Variants in CYP17A1 observed in about 807,000 individuals in gnomAD.
CYP17A1 encodes the protein cytochrome P450 family 17 subfamily A member 1, also known as steroid 17-alpha-hydroxylase/17,20 lyase.
A neutral mutation model predicts 38.5 loss-of-function variants in CYP17A1; 27 were observed. That is an observed-to-expected ratio of 0.70 (90% CI 0.52 to 0.97). The LOEUF is 0.97. CYP17A1 is among the 50% of genes least tolerant of loss of function. The pLI, the probability that CYP17A1 is intolerant of heterozygous loss-of-function variation, is 0.00. For missense variants in CYP17A1, 549 were observed against 645.9 expected (o/e 0.85, Z 1.63); for synonymous variants, 263 against 253.3 (o/e 1.04, Z -0.36).
intron 6 of CYP17A1, 23 bp downstream of exon 6, chr10:102,832,488 T>G: frequency 6.5e-7 from 1 of 1,532,872 alleles, no homozygotes; most frequent in Non-Finnish European, 9.0e-7. Flanking sequence ...TGGGGCTAGA[T>G]GTCACTGGGA....
In CYP17A1 at chr10:102,837,294, G is replaced by A. The variant is rs368405367; in HGVS notation, c.68C>T (p.Pro23Leu). 6 of 1,608,892 alleles carry A rather than the reference G, an allele frequency of 3.7e-6. No individual in the cohort carries two copies. The African/African-American group carries it at 8.0e-5, about 22-fold the overall frequency. The change falls in exon 1 of 8, where the codon CCT becomes CTT. Residue 23 changes from proline to leucine, a missense_variant. By Grantham distance (98) the Pro-to-Leu change is moderately conservative. Coordinates refer to ENST00000369887, the MANE Select transcript of CYP17A1 (RefSeq NM_000102.4). ...GAGGCTCTTGGGGTACTTGGCACCA[G>A]GGCACCTTCTCTTGGGCCAAAACAA... is the stretch of plus-strand genomic sequence containing the variant. The part of the protein sequence containing the change: ...AYLFWPKRRC[P>L]GAKYPKSLLS...
chr10:102,837,260 C>T lies in CYP17A1; in HGVS notation c.102G>A (p.Leu34=), dbSNP rs752346898. 1 of 1,604,086 alleles carries T rather than the reference C, an allele frequency of 6.2e-7. No homozygotes were observed. The highest frequency in any genetic ancestry group is 8.5e-7 in the Non-Finnish European group (1 of 1,170,806). Residue 34 remains leucine, a synonymous_variant, in exon 1 of 8, where the codon CTG becomes CTA. Coordinates refer to ENST00000369887, the MANE Select transcript of CYP17A1 (RefSeq NM_000102.4). ...GGAATGGCAGGCTGCCCACCAGGGG[C>T]AGGGACAGGAGGCTCTTGGGGTACT... ...GAKYPKSLLS[L]PLVGSLPFLP... is the part of the protein sequence containing the mutation.
chr10:102,837,131 G>T lies in CYP17A1; in HGVS notation c.231C>A (p.Gly77=). ...RMGTKTTVIV[G]HHQLAKEVLI... Reference sequence around the variant, plus strand: ...GCACCTCCTTGGCCAGCTGGTGGTGGCCGACAATCACTGTAGTCTTGGTGC... The same window carrying T: ...GCACCTCCTTGGCCAGCTGGTGGTGTCCGACAATCACTGTAGTCTTGGTGC... Residue 77 remains glycine, a synonymous_variant, in exon 1 of 8, where the codon GGC becomes GGA. Transcript: ENST00000369887. 6.2e-7 allele frequency: 1 copy of T among 1,602,396 alleles called. No individual in the cohort carries two copies. The highest frequency in any genetic ancestry group is 8.6e-7 in the Non-Finnish European group (1 of 1,169,270).
chr10:102,832,368 G>A lies in CYP17A1; in HGVS notation c.1139+143C>T, dbSNP rs284848. ...ATGACAGGTGTGAGCCACCGTGCCC[G>A]GCCGGCAGGATGATTTTTAGTAGTT... On this transcript the variant is annotated intron_variant, in intron 6 of 7. Coordinates refer to ENST00000369887, the MANE Select transcript of CYP17A1 (RefSeq NM_000102.4). 0.19 allele frequency: 135,512 copies of A among 697,240 alleles called. 14,781 individuals are homozygous for A. The highest frequency in any genetic ancestry group is 0.27 in the Admixed American group (13,745 of 50,080). The allele number at this position is 697,240 out of a possible 1,614,324, so 43.2% of individuals were successfully genotyped here.
intron 3 of CYP17A1, 174 bp from the exon 4 acceptor site, chr10:102,834,296 C>A (rs116314397): frequency 3.1e-6 from 2 of 635,578 alleles, no homozygotes; most frequent in African/African-American, 3.7e-5. Flanking sequence ...TTTATCATGA[C>A]GACGAAGACA....
intron 5 of CYP17A1, 129 bp downstream of exon 5, chr10:102,832,864 C>G (rs1257522658): frequency 6.6e-7 from 1 of 1,525,102 alleles, no homozygotes; most frequent in East Asian, 2.4e-5. Flanking sequence ...AAGCCAACTA[C>G]TGCTTGGGTA....
Position 102,834,934 on chromosome 10 carries a change from C to G in CYP17A1, c.517G>C (p.Val173Leu), listed in dbSNP as rs758354727. Residue 173 changes from valine (V) to leucine (L), a missense_variant, in exon 3 of 8, where the codon GTG becomes CTG. Val to Leu is a conservative substitution (Grantham distance 32, BLOSUM62 1). Around this residue, in one of 3 missense-constraint regions of CYP17A1, gnomAD observed 289 missense variants for 320.9 expected, o/e 0.90. Transcript: ENST00000369887. ...QSIDISFPVF[V>L]AVTNVISLIC... ...AAGGAGATGACATTGGTTACCGCCA[C>G]GAAGACAGGAAAGGAGATGTCTATG... The G allele has an allele frequency of 5.6e-6, 9 of 1,613,296 alleles. No individual in the cohort carries two copies. The highest frequency in any genetic ancestry group is 7.6e-6 in the Non-Finnish European group (9 of 1,179,578).
intron 3 of CYP17A1, chr10:102,834,511 G>A (rs1007600587): frequency 3.5e-6 from 2 of 578,696 alleles, no homozygotes; most frequent in East Asian, 3.0e-5. Context: ...GGAATTCAGC[G>A]ATGAATGCGT....
At chr10:102,834,205 T>C in intron 3 of CYP17A1, 83 bp from the exon 4 acceptor site, 1 of 763,736 alleles carries the variant, frequency 1.3e-6, no homozygotes, top group Non-Finnish European at 2.4e-6. Context: ...GAGGCGGATC[T>C]TAGCTTTCTG....
At chr10:102,831,884 A>T (rs1341729175) in intron 6 of CYP17A1, among the ~76,000 whole-genome samples, 1 of 152,010 alleles carries the variant, frequency 6.6e-6, no homozygotes, top group Non-Finnish European at 1.5e-5. Flanking sequence ...GCTGCAGCGC[A>T]TGTTATGTGC....
rs1480455206 is a variant in CYP17A1, at chr10:102,830,538, A to G, written c.*164T>C. 3 of 600,518 alleles carry G rather than the reference A, an allele frequency of 5.0e-6. No homozygotes were observed. Among genetic ancestry groups the G allele is most frequent in the Admixed American group, 5.9e-5 (2 of 34,000 alleles). 37.2% of individuals were successfully genotyped at this position (600,518 alleles called of 1,614,324 possible). A position where few individuals can be genotyped will look rare whatever the true frequency, so the allele number is the denominator to read the frequency against. ...ATGAACTACTCAGGGACCTTATGGA[A>G]AAAAAAAAACTGTTTATGCACATCA... On this transcript the variant is annotated 3_prime_UTR_variant, in exon 8 of 8. Coordinates refer to ENST00000369887, the MANE Select transcript of CYP17A1 (RefSeq NM_000102.4). This position sits in a 1 kb window ranked among gnomAD's most constrained non-coding sequence, Gnocchi z 4.1.
At chr10:102,834,283 G>C in intron 3 of CYP17A1, 161 bp from the exon 4 acceptor site, 1 of 657,698 alleles carries the variant, frequency 1.5e-6, no homozygotes, top group Non-Finnish European at 2.8e-6. Flanking sequence ...GACACAGAAC[G>C]GGTTTATCAT....
chr10:102,832,432 G>A lies in CYP17A1; in HGVS notation c.1139+79C>T, dbSNP rs45504696. 4,446 of 947,352 alleles carry A rather than the reference G, an allele frequency of 4.7e-3. 112 individuals carry two copies. The African/African-American group carries it at 0.059, about 13-fold the overall frequency. The allele number at this position is 947,352 out of a possible 1,614,324, so 58.7% of individuals were successfully genotyped here. ...CTTTAGGTTGGCCAGCAGGGGCCGG[G>A]GGTAGGGGGAGCCAGGTGGGCTGGC... On this transcript the variant is annotated intron_variant, in intron 6 of 7. Transcript: ENST00000369887.
intron 7 of CYP17A1, 63 bp downstream of exon 7, chr10:102,831,444 TG>T (rs1281230069): frequency 1.9e-6 from 3 of 1,602,006 alleles, no homozygotes; most frequent in Non-Finnish European, 8.5e-7. Context: ...GAAGGGGTAC[TG>T]GGGTGGTGGA....
Position 102,835,248 on chromosome 10 carries a change from A to C in CYP17A1, c.436+6T>G. ...CCCCAGCCCCAGGGGCCAGCCTGGC[A>C]CTCACTGATCTTCTCCAGCTTCTGA... On this transcript the variant is annotated splice_donor_region_variant and intron_variant, in intron 2 of 7. Coordinates refer to ENST00000369887, the MANE Select transcript of CYP17A1 (RefSeq NM_000102.4). 1 of 1,612,244 alleles carries C rather than the reference A, an allele frequency of 6.2e-7. No individual in the cohort carries two copies. The highest frequency in any genetic ancestry group is 8.5e-7 in the Non-Finnish European group (1 of 1,178,456).
At chr10:102,833,775 A>G in intron 4 of CYP17A1, 2 of 398,640 alleles carry the variant, frequency 5.0e-6, no homozygotes, top group Non-Finnish European at 9.2e-6. Context: ...TATTTTTAGT[A>G]CAGACGGGGT....
In CYP17A1 at chr10:102,830,821, C is replaced by G. The variant is rs781451590; in HGVS notation, c.1408G>C (p.Asp470His). The change falls in exon 8 of 8, where the codon GAT becomes CAT. Residue 470 changes from aspartate to histidine, a missense_variant. Physicochemically the swap from Asp to His is moderately conservative, Grantham distance 81. Coordinates refer to ENST00000369887, the MANE Select transcript of CYP17A1 (RefSeq NM_000102.4). This position sits in a 1 kb window ranked among gnomAD's most constrained non-coding sequence, Gnocchi z 4.1. ...LQRFDLEVPDDGQLPSLEGIP... is the reference protein window; with the variant it reads ...LQRFDLEVPDHGQLPSLEGIP... Reference sequence around the variant, plus strand: ...CCTTCCAGGGAGGGCAGCTGCCCATCATCTGGCACCTCCAGGTCGAACCTC... The same window carrying G: ...CCTTCCAGGGAGGGCAGCTGCCCATGATCTGGCACCTCCAGGTCGAACCTC... The G allele has an allele frequency of 3.8e-6, 6 of 1,595,044 alleles. No homozygotes were observed. The highest frequency in any genetic ancestry group is 2.2e-5 in the South Asian group (2 of 89,014).
rs771880642 is a variant in CYP17A1 at position 102,837,102 on chromosome 10, A to T, written c.260T>A (p.Ile87Asn). ...CCCAGAGAAGTCCTTGCCCTTCTTA[A>T]TAAGCACCTCCTTGGCCAGCTGGTG... ...GHHQLAKEVL[I>N]KKGKDFSGRP... The change falls in exon 1 of 8, where the codon ATT (isoleucine) becomes AAT (asparagine). Residue 87 changes from isoleucine to asparagine, a missense_variant. Physicochemically the swap from Ile to Asn is moderately radical, Grantham distance 149. Around this residue, in one of 3 missense-constraint regions of CYP17A1, gnomAD observed 289 missense variants for 320.9 expected, o/e 0.90. Transcript: ENST00000369887. The T allele has an allele frequency of 1.2e-6, 2 of 1,609,366 alleles. No homozygotes were observed. The highest frequency in any genetic ancestry group is 1.7e-5 in the Admixed American group (1 of 60,028).
At chr10:102,832,407 C>T (rs909654327) in intron 6 of CYP17A1, 104 bp downstream of exon 6, 5 of 800,814 alleles carry the variant, frequency 6.2e-6, no homozygotes, top group African/African-American at 1.7e-5. Context: ...GGTTGACTGA[C>T]TTTAGGTTGG....
Sources: gnomAD v4.1 joint callset for allele counts (sites outside exome capture counted in the v4.1 genomes callset) on GRCh38, gnomAD v4.1.1 for gene constraint, gnomAD v4.1.1 regional missense constraint, Gnocchi (gnomAD v3.1) non-coding constraint, MANE v1.5 for transcripts, NCBI Gene and HGNC (gene_info 2026-07-23, HGNC 2026-07-21) for gene names.